The following NTM variants were observed in gnomAD, a reference collection of about 807,000 sequenced individuals.
NTM encodes neurotrimin.
A neutral mutation model predicts 42.1 loss-of-function variants in NTM; 13 were observed. That is an observed-to-expected ratio of 0.31 (90% CI 0.20 to 0.49). The LOEUF (loss-of-function observed/expected upper bound fraction) is 0.49, where lower values mean the gene tolerates loss of function less well. NTM is among the 20% of genes least tolerant of loss of function. NTM has a pLI of 0.99. For synonymous variants in NTM, 187 were observed against 179.2 expected (o/e 1.04, Z -0.35); for missense variants, 373 against 452.8 (o/e 0.82, Z 1.60).
intron 2 of NTM, among the ~76,000 whole-genome samples, chr11:131,966,491 T>C (rs1480390550): frequency 6.6e-6 from 1 of 152,082 alleles, no homozygotes; most frequent in Non-Finnish European, 1.5e-5. Flanking sequence ...CAAGTCCAAA[T>C]AGTATATTTA....
chr11:132,199,816 A>G (rs894230617), intron 3 of NTM, among the ~76,000 whole-genome samples: 1 of 151,140 alleles, frequency 6.6e-6, no homozygotes, highest in Non-Finnish European at 1.5e-5. Context: ...GCCTTTAATT[A>G]GTTTCTGAAT....
intron 4 of NTM, among the ~76,000 whole-genome samples, chr11:132,276,770 C>A (rs887681424): frequency 9.9e-5 from 15 of 151,814 alleles, no homozygotes; most frequent in African/African-American, 3.4e-4. Context: ...CATAGAGAAG[C>A]CTGTATATGG....
intron 1 of NTM, among the ~76,000 whole-genome samples, chr11:131,585,430 G>C (rs1267396067): frequency 1.3e-5 from 2 of 152,236 alleles, no homozygotes; most frequent in Admixed American, 1.3e-4. Context: ...CCTCCTTTGG[G>C]GCTTGGTTCC....
intron 2 of NTM, 68 bp downstream of exon 2, chr11:131,911,716 G>A (rs2055058673): frequency 6.3e-7 from 1 of 1,594,420 alleles, no homozygotes; most frequent in East Asian, 2.2e-5. Flanking sequence ...CAGGGGTGCA[G>A]GTGTGTGCAC....
intron 1 of NTM, among the ~76,000 whole-genome samples, chr11:131,611,527 C>G (rs148844795): frequency 5.1e-4 from 77 of 152,274 alleles, no homozygotes; most frequent in African/African-American, 1.8e-3. Context: ...AACAATAGAT[C>G]AAAGGGGAAT....
rs566624015 is a variant in NTM at position 132,260,941 on chromosome 11, G to A, written c.527-46748G>A. ...TTGTAGACCTACTTTCTTTAGGAAA[G>A]GGAGACAGAGCCGTTGGCAGCTCAG... On this transcript the variant is annotated intron_variant, in intron 4 of 8. Coordinates refer to ENST00000683400, the MANE Select transcript of NTM (RefSeq NM_001352005.2). 5.3e-4 allele frequency among the ~76,000 whole-genome samples: 80 copies of A among 152,242 alleles called. 1 individual carries two copies. In the South Asian group the frequency reaches 7.9e-3, roughly 15 times the overall value.
At chr11:131,622,449 C>T (rs368420006) in intron 1 of NTM, among the ~76,000 whole-genome samples, 6 of 152,168 alleles carry the variant, frequency 3.9e-5, no homozygotes, top group Admixed American at 1.3e-4. Context: ...GATTCAACAG[C>T]ATTTGGGGAA....
intron 2 of NTM, among the ~76,000 whole-genome samples, chr11:131,992,672 C>A (rs142486545): frequency 6.6e-6 from 1 of 152,130 alleles, no homozygotes; most frequent in Admixed American, 6.5e-5. Flanking sequence ...AAATCTTACA[C>A]ACACAATTGC....
chr11:131,988,671 G>A (rs528012336), intron 2 of NTM, among the ~76,000 whole-genome samples: 6 of 152,212 alleles, frequency 3.9e-5, no homozygotes, highest in South Asian at 2.1e-4. Flanking sequence ...TCAGAGATTC[G>A]CTAGAGAAAT....
chr11:131,587,601 TA>T (rs2058988881), intron 1 of NTM, among the ~76,000 whole-genome samples: 1 of 152,214 alleles, frequency 6.6e-6, no homozygotes, highest in Non-Finnish European at 1.5e-5. Context: ...AATATAGATG[TA>T]GAATGAAATT....
chr11:132,167,435 G>A (rs186586557), intron 3 of NTM, among the ~76,000 whole-genome samples: 1 of 152,196 alleles, frequency 6.6e-6, no homozygotes, highest in Admixed American at 6.5e-5. Flanking sequence ...GTTGTATTAA[G>A]GATTTCTAAA....
At chr11:131,554,670 G>T (rs530163540) in intron 1 of NTM, among the ~76,000 whole-genome samples, 15 of 152,290 alleles carry the variant, frequency 9.8e-5, no homozygotes, top group Admixed American at 9.8e-4. Flanking sequence ...TCACAGGTGG[G>T]ACGCAAAGGA....
chr11:132,126,383 C>CT (rs1284082678), intron 2 of NTM, among the ~76,000 whole-genome samples: 1 of 152,122 alleles, frequency 6.6e-6, no homozygotes, highest in Non-Finnish European at 1.5e-5. Flanking sequence ...GTTCCTTCTA[C>CT]TTTTTTTCCT....
At chr11:131,956,518 C>G (rs1360066431) in intron 2 of NTM, among the ~76,000 whole-genome samples, 3 of 151,276 alleles carry the variant, frequency 2.0e-5, no homozygotes, top group Non-Finnish European at 4.4e-5. Context: ...AATAGTGAGG[C>G]TCTTAAGAAT....
At chr11:131,499,969 G>A (rs1307809368) in intron 1 of NTM, among the ~76,000 whole-genome samples, 1 of 152,198 alleles carries the variant, frequency 6.6e-6, no homozygotes, top group Non-Finnish European at 1.5e-5. Flanking sequence ...GTGTGTTCCG[G>A]CACAAACCAA....
At chr11:132,004,343 C>T (rs2070199628) in intron 2 of NTM, among the ~76,000 whole-genome samples, 1 of 152,192 alleles carries the variant, frequency 6.6e-6, no homozygotes, top group Non-Finnish European at 1.5e-5. Flanking sequence ...AAATATGTCT[C>T]ATTTACTAAG....
intron 1 of NTM, among the ~76,000 whole-genome samples, chr11:131,820,534 CTAGAT>C (rs978952038): frequency 2.6e-5 from 4 of 152,076 alleles, no homozygotes; most frequent in African/African-American, 9.7e-5. Flanking sequence ...TATCTACTAC[CTAGAT>C]TAATTTTTTT....
chr11:131,882,227 T>G (rs924232063), intron 1 of NTM, among the ~76,000 whole-genome samples: 7 of 152,160 alleles, frequency 4.6e-5, no homozygotes, highest in African/African-American at 1.7e-4. Flanking sequence ...AGAGCGAGAT[T>G]TGAACAACTA....
chr11:132,238,325 C>G (rs564942772), intron 4 of NTM, among the ~76,000 whole-genome samples: 1 of 152,182 alleles, frequency 6.6e-6, no homozygotes, highest in South Asian at 2.1e-4. Flanking sequence ...GAGAAGGAAG[C>G]AGGCAGAGGG....
Sources: gnomAD v4.1 joint callset for allele counts (sites outside exome capture counted in the v4.1 genomes callset) on GRCh38, gnomAD v4.1.1 for gene constraint, MANE v1.5 for transcripts, NCBI Gene and HGNC (gene_info 2026-07-23, HGNC 2026-07-21) for gene names.